Variants in GRID1 observed in about 807,000 individuals in gnomAD.
The protein encoded by GRID1 is glutamate ionotropic receptor delta type subunit 1, also known as glutamate receptor ionotropic, delta-1.
GRID1 carries 28 observed loss-of-function variants against 98.0 expected under a neutral mutation model. That is an observed-to-expected ratio of 0.29 (90% CI 0.21 to 0.39). The LOEUF (loss-of-function observed/expected upper bound fraction) is 0.39, where lower values mean the gene tolerates loss of function less well. GRID1 is among the 10% of genes least tolerant of loss of function. The pLI, the probability that GRID1 is intolerant of heterozygous loss-of-function variation, is 1.00. For synonymous variants in GRID1, 553 were observed against 538.5 expected, an observed-to-expected ratio of 1.03 and a Z score of -0.37; for missense variants, 1,111 against 1,340.5, an observed-to-expected ratio of 0.83 and a Z score of 2.67.
chr10:86,315,191 A>G lies in GRID1; in HGVS notation c.235+48750T>C, dbSNP rs1437498105. 7.9e-5 allele frequency among the ~76,000 whole-genome samples: 12 copies of G among 152,168 alleles called. 1 individual carries two copies. On this transcript the variant is annotated intron_variant, in intron 2 of 15. Coordinates refer to ENST00000327946, the MANE Select transcript of GRID1 (RefSeq NM_017551.3). ...GTCACAAACATGAAACAGCAACATGATGAAAGCACTTAGCACATTGCCTTG... is the reference window on the plus strand; with the variant it reads ...GTCACAAACATGAAACAGCAACATGGTGAAAGCACTTAGCACATTGCCTTG...
At chr10:86,229,574 G>T (rs1846415555) in intron 2 of GRID1, among the ~76,000 whole-genome samples, 1 of 152,146 alleles carries the variant, frequency 6.6e-6, no homozygotes, top group Non-Finnish European at 1.5e-5. Context: ...TGATCTGGGG[G>T]TGGCAGTGGG....
chr10:86,293,898 A>T (rs968694916), intron 2 of GRID1, among the ~76,000 whole-genome samples: 1 of 152,248 alleles, frequency 6.6e-6, no homozygotes, highest in African/African-American at 2.4e-5. Flanking sequence ...GCTCTAGTAA[A>T]ATTAAAAATG....
intron 8 of GRID1, among the ~76,000 whole-genome samples, chr10:85,742,446 T>G (rs1841953739): frequency 6.6e-6 from 1 of 152,238 alleles, no homozygotes; most frequent in South Asian, 2.1e-4. Flanking sequence ...TATTATATTG[T>G]TCCCACTGCC....
chr10:86,232,619 T>A lies in GRID1; in HGVS notation c.236-25971A>T, dbSNP rs77472572. ...AGTTTAGTAAAGGGAAGTAGAGAAATCTAGAGTACAAATGCCCATTTTTAA... is the reference window on the plus strand; with the variant it reads ...AGTTTAGTAAAGGGAAGTAGAGAAAACTAGAGTACAAATGCCCATTTTTAA... On this transcript the variant is annotated intron_variant, in intron 2 of 15. Transcript: ENST00000327946. Among the ~76,000 whole-genome samples, 47 of 152,268 alleles carry A rather than the reference T, an allele frequency of 3.1e-4. No individual in the cohort carries two copies. In the East Asian group the frequency reaches 9.1e-3, roughly 29 times the overall value.
intron 8 of GRID1, among the ~76,000 whole-genome samples, chr10:85,824,248 C>G (rs763326417): frequency 1.3e-5 from 2 of 152,074 alleles, no homozygotes; most frequent in Non-Finnish European, 2.9e-5. Context: ...GAGTACGATC[C>G]GGCGAGAGAC....
intron 4 of GRID1, among the ~76,000 whole-genome samples, chr10:85,982,194 A>C (rs958332839): frequency 2.0e-4 from 6 of 30,694 alleles, no homozygotes; most frequent in Non-Finnish European, 3.4e-4. Flanking sequence ...CTCTTGCCAC[A>C]AAAAAAAAAA....
chr10:86,269,364 G>A lies in GRID1; in HGVS notation c.236-62716C>T, dbSNP rs550625341. ...ATCTAAGATGACACTCACTCACACA[G>A]GGCACACAGAGGCCCCAGCTCCTGC... On this transcript the variant is annotated intron_variant, in intron 2 of 15. Transcript: ENST00000327946. Among the ~76,000 whole-genome samples the A allele has an allele frequency of 3.3e-5, 5 of 152,280 alleles. No individual in the cohort carries two copies. The South Asian group carries it at 1.0e-3, about 32-fold the overall frequency.
intron 4 of GRID1, among the ~76,000 whole-genome samples, chr10:86,058,114 AAGGAAGGGAGAG>A (rs1192596624): frequency 1.3e-5 from 2 of 152,088 alleles, no homozygotes; most frequent in Non-Finnish European, 2.9e-5. Flanking sequence ...GAAAGGGAGG[AAGGAAGGGAGAG>A]AGGAAGGGAG....
intron 2 of GRID1, among the ~76,000 whole-genome samples, chr10:86,354,649 T>A (rs1848509798): frequency 6.6e-6 from 1 of 152,218 alleles, no homozygotes; most frequent in African/African-American, 2.4e-5. Context: ...ATTTGGGAAC[T>A]GAACCCACAC....
At chr10:86,230,692 T>A (rs892413107) in intron 2 of GRID1, among the ~76,000 whole-genome samples, 1 of 152,206 alleles carries the variant, frequency 6.6e-6, no homozygotes, top group Admixed American at 6.5e-5. Flanking sequence ...CTGACCACTA[T>A]AAATTCCTAC....
chr10:85,735,381 A>AT (rs1486461621), intron 8 of GRID1, among the ~76,000 whole-genome samples: 5 of 152,196 alleles, frequency 3.3e-5, no homozygotes, highest in Non-Finnish European at 7.3e-5. Context: ...TCATCACTTG[A>AT]AAGGAGATAT....
intron 4 of GRID1, among the ~76,000 whole-genome samples, chr10:85,956,056 G>A (rs1842185065): frequency 6.6e-6 from 1 of 152,358 alleles, no homozygotes; most frequent in Non-Finnish European, 1.5e-5. Context: ...CCATAGTCCT[G>A]ATGTGGTTAC....
At chr10:86,035,392 T>C (rs1054096043) in intron 4 of GRID1, among the ~76,000 whole-genome samples, 7 of 152,250 alleles carry the variant, frequency 4.6e-5, no homozygotes, top group African/African-American at 1.7e-4. Context: ...AAAGGGTGTC[T>C]ATTTTAAATT....
At chr10:85,634,066 G>A (rs1843005108) in intron 13 of GRID1, among the ~76,000 whole-genome samples, 2 of 152,014 alleles carry the variant, frequency 1.3e-5, no homozygotes, top group South Asian at 4.1e-4. Flanking sequence ...AGCTACTTGG[G>A]AGGCTGAGGC....
In GRID1 at chr10:85,659,696, A is replaced by C. The variant is rs576339660; in HGVS notation, c.1998-12299T>G. Among the ~76,000 whole-genome samples, 4 of 152,314 alleles carry C rather than the reference A, an allele frequency of 2.6e-5. No homozygotes were observed. In the South Asian group the frequency reaches 8.3e-4, roughly 32 times the overall value. ...AGCAAGGATATAGACTCTGATGGGA[A>C]GTTTAGGAAAGGGAATTGGGAGGAG... On this transcript the variant is annotated intron_variant, in intron 12 of 15. Coordinates refer to ENST00000327946, the MANE Select transcript of GRID1 (RefSeq NM_017551.3).
intron 8 of GRID1, among the ~76,000 whole-genome samples, chr10:85,760,006 A>G (rs1362560588): frequency 6.6e-6 from 1 of 152,188 alleles, no homozygotes. Flanking sequence ...TCACCATTAC[A>G]TTCTCAAGTC....
In GRID1 at chr10:85,869,169, G is replaced by C; in HGVS notation, c.792C>G (p.Asp264Glu). 6.2e-7 allele frequency: 1 copy of C among 1,613,198 alleles called. No individual in the cohort carries two copies. Among genetic ancestry groups the C allele is most frequent in the Non-Finnish European group, 8.5e-7 (1 of 1,179,226 alleles). The stretch of plus-strand genomic sequence containing the variant: ...TATGGACCAGATCCAGGATCTCCGG[G>C]TCACTGATTTCCTAGAAAAATAACC... ...HWVFVNEEISDPEILDLVHSA... is the reference protein window; with the variant it reads ...HWVFVNEEISEPEILDLVHSA... Residue 264 changes from aspartate to glutamate, a missense_variant, in exon 6 of 16, where the codon GAC becomes GAG. Coordinates refer to ENST00000327946, the MANE Select transcript of GRID1 (RefSeq NM_017551.3).
At position 86,044,367 on chromosome 10, in the gene GRID1, T is replaced by G. The variant is rs140969761; in HGVS notation, c.726+94452A>C. Among the ~76,000 whole-genome samples the G allele has an allele frequency of 4.0e-3, 606 of 152,358 alleles. 4 individuals carry two copies. Among genetic ancestry groups the G allele is most frequent in the African/African-American group, 0.013 (557 of 41,578 alleles). On this transcript the variant is annotated intron_variant, in intron 4 of 15. Coordinates refer to ENST00000327946, the MANE Select transcript of GRID1 (RefSeq NM_017551.3). ...GGCTTAATGGCTTTTGACATGCTAG[T>G]GAGTGACTTTACCTCGGTTACATTT...
chr10:85,793,616 C>G (rs1191232406), intron 8 of GRID1, among the ~76,000 whole-genome samples: 1 of 152,166 alleles, frequency 6.6e-6, no homozygotes, highest in Non-Finnish European at 1.5e-5. Context: ...CAGGGCTTCA[C>G]CATTTGGCAT....
Sources: gnomAD v4.1 joint callset for allele counts (sites outside exome capture counted in the v4.1 genomes callset) on GRCh38, gnomAD v4.1.1 for gene constraint, MANE v1.5 for transcripts, NCBI Gene and HGNC (gene_info 2026-07-23, HGNC 2026-07-21) for gene names.